The following TMEM132D variants were observed in gnomAD, a reference collection of about 807,000 sequenced individuals.
The protein encoded by TMEM132D is transmembrane protein 132D.
TMEM132D carries 21 observed loss-of-function variants against 62.3 expected under a neutral mutation model. That is an observed-to-expected ratio of 0.34 (90% CI 0.24 to 0.49). The LOEUF (loss-of-function observed/expected upper bound fraction) is 0.49. TMEM132D is among the 20% of genes least tolerant of loss of function. TMEM132D has a pLI of 0.99. For synonymous variants in TMEM132D, 621 were observed against 575.6 expected, an observed-to-expected ratio of 1.08 and a Z score of -1.13; for missense variants, 1,346 against 1,402.8, an observed-to-expected ratio of 0.96 and a Z score of 0.65.
intron 3 of TMEM132D, among the ~76,000 whole-genome samples, chr12:129,340,004 T>C (rs962946631): frequency 1.3e-5 from 2 of 152,084 alleles, no homozygotes; most frequent in African/African-American, 4.8e-5. Flanking sequence ...CACAGCCCCA[T>C]ACTTCTGTTT....
intron 5 of TMEM132D, among the ~76,000 whole-genome samples, chr12:129,159,758 C>CAAAA (rs1188064357): frequency 7.3e-5 from 2 of 27,366 alleles, no homozygotes; most frequent in Non-Finnish European, 8.9e-5. Context: ...GACTCGGGCT[C>CAAAA]AAAAAAAAAA....
At chr12:129,625,927 G>A (rs959943687) in intron 2 of TMEM132D, among the ~76,000 whole-genome samples, 8 of 152,222 alleles carry the variant, frequency 5.3e-5, no homozygotes, top group South Asian at 2.1e-4. Context: ...TTTAAACAAC[G>A]TCACGTGTAT....
At chr12:129,249,841 C>T (rs1593311398) in intron 4 of TMEM132D, among the ~76,000 whole-genome samples, 1 of 152,190 alleles carries the variant, frequency 6.6e-6, no homozygotes, top group Non-Finnish European at 1.5e-5. Context: ...TGGAAGCAGA[C>T]GGCACACTCA....
chr12:129,314,521 T>A (rs1054097022), intron 4 of TMEM132D, among the ~76,000 whole-genome samples: 2 of 152,232 alleles, frequency 1.3e-5, no homozygotes, highest in African/African-American at 4.8e-5. Context: ...ACTATGGCCT[T>A]ACAGTATAGT....
At chr12:129,643,290 C>A (rs996945506) in intron 2 of TMEM132D, among the ~76,000 whole-genome samples, 3 of 152,068 alleles carry the variant, frequency 2.0e-5, no homozygotes, top group African/African-American at 7.2e-5. Flanking sequence ...ATATTGTGGC[C>A]CCATCTAAAA....
intron 2 of TMEM132D, among the ~76,000 whole-genome samples, chr12:129,531,915 G>T (rs1461288612): frequency 6.6e-6 from 1 of 152,082 alleles, no homozygotes; most frequent in Non-Finnish European, 1.5e-5. Context: ...AATTATTTGA[G>T]TGTGGTGGTG....
At position 129,896,078 on chromosome 12, in the gene TMEM132D, T is replaced by C. The variant is rs151222102; in HGVS notation, c.79+7183A>G. Among the ~76,000 whole-genome samples the C allele has an allele frequency of 1.1e-3, 162 of 149,576 alleles. 1 individual carries two copies. Among genetic ancestry groups the C allele is most frequent in the African/African-American group, 3.6e-3 (148 of 40,806 alleles). ...TCCACCATCCAGGTTCCAGCAATCC[T>C]CCCACCTTAGCCTCCAGAGTAGCTG... On this transcript the variant is annotated intron_variant, in intron 1 of 8. Transcript: ENST00000422113.
intron 1 of TMEM132D, among the ~76,000 whole-genome samples, chr12:129,733,414 G>A (rs1380998263): frequency 1.3e-5 from 2 of 152,102 alleles, no homozygotes; most frequent in Non-Finnish European, 2.9e-5. Flanking sequence ...CTGATCTATG[G>A]CCAAAATCAA....
At chr12:129,556,476 T>C (rs112455671) in intron 2 of TMEM132D, among the ~76,000 whole-genome samples, 78 of 150,984 alleles carry the variant, frequency 5.2e-4, no homozygotes, top group African/African-American at 1.1e-3. Context: ...CTTTTTTTTT[T>C]CCCCCAGAGG....
chr12:129,081,462 G>A (rs1206339252), intron 7 of TMEM132D, among the ~76,000 whole-genome samples: 1 of 152,044 alleles, frequency 6.6e-6, no homozygotes, highest in Non-Finnish European at 1.5e-5. Context: ...CCACACTCGG[G>A]TAATTTTTTG....
chr12:129,778,251 C>CTTTTTTAAATTTAAAA (rs1871009874), intron 1 of TMEM132D, among the ~76,000 whole-genome samples: 2 of 151,700 alleles, frequency 1.3e-5, no homozygotes, highest in African/African-American at 4.8e-5. Flanking sequence ...CAGAAATTGC[C>CTTTTTTAAATTTAAAA]CCCTTTAAAT....
chr12:129,704,743 A>C (rs923967920), intron 1 of TMEM132D, among the ~76,000 whole-genome samples: 2 of 152,252 alleles, frequency 1.3e-5, no homozygotes, highest in African/African-American at 4.8e-5. Context: ...AAGGATATGT[A>C]AATAAACAAA....
chr12:129,489,037 T>C (rs948992763), intron 3 of TMEM132D, among the ~76,000 whole-genome samples: 1 of 152,134 alleles, frequency 6.6e-6, no homozygotes, highest in Non-Finnish European at 1.5e-5. Context: ...TAGTCGTCAA[T>C]AGCCATCAAT....
intron 1 of TMEM132D, among the ~76,000 whole-genome samples, chr12:129,766,114 T>A (rs1423312202): frequency 6.6e-6 from 1 of 152,180 alleles, no homozygotes; most frequent in African/African-American, 2.4e-5. Flanking sequence ...TCCTACACAT[T>A]GTCCAGGAAA....
At chr12:129,707,525 T>C (rs966041678) in intron 1 of TMEM132D, among the ~76,000 whole-genome samples, 3 of 152,178 alleles carry the variant, frequency 2.0e-5, no homozygotes, top group Non-Finnish European at 4.4e-5. Context: ...AATTTTTCTA[T>C]AGAATATCTT....
chr12:129,529,713 C>A (rs1876160026), intron 3 of TMEM132D, among the ~76,000 whole-genome samples: 1 of 152,182 alleles, frequency 6.6e-6, no homozygotes, highest in African/African-American at 2.4e-5. Context: ...TCTCATCCAT[C>A]CACTCATCCA....
At chr12:129,474,725 G>T (rs1874209192) in intron 3 of TMEM132D, among the ~76,000 whole-genome samples, 1 of 152,190 alleles carries the variant, frequency 6.6e-6, no homozygotes, top group African/African-American at 2.4e-5. Context: ...AAAGGTGAGG[G>T]CTGAATCATG....
At chr12:129,294,628 T>C (rs11060239) in intron 4 of TMEM132D, among the ~76,000 whole-genome samples, 43,940 of 152,080 alleles carry the variant, frequency 0.29, 6,936 homozygotes, top group East Asian at 0.47. Flanking sequence ...AAAATGTTTC[T>C]TACATACAGT....
chr12:129,121,710 C>A (rs1034235317), intron 5 of TMEM132D, among the ~76,000 whole-genome samples: 1 of 152,106 alleles, frequency 6.6e-6, no homozygotes, highest in Non-Finnish European at 1.5e-5. Context: ...CACTACACCC[C>A]GGCCACCACA....
Sources: gnomAD v4.1 joint callset for allele counts (sites outside exome capture counted in the v4.1 genomes callset) on GRCh38, gnomAD v4.1.1 for gene constraint, MANE v1.5 for transcripts, NCBI Gene and HGNC (gene_info 2026-07-23, HGNC 2026-07-21) for gene names.